TBKBP1: variants seen among roughly 807,000 people sequenced by gnomAD.
TBKBP1 encodes the protein TBK1 binding protein 1.
A neutral mutation model predicts 69.9 loss-of-function variants in TBKBP1; 47 were observed. The observed-to-expected ratio is 0.67, with a 90% confidence interval of 0.53 to 0.86. The LOEUF is 0.86. Ranked by LOEUF, TBKBP1 falls within the 40% of genes least tolerant of loss-of-function variation. The pLI is 0.00. For missense variants in TBKBP1, 831 were observed against 858.6 expected (o/e 0.97, Z 0.40); for synonymous variants, 418 against 390.3 (o/e 1.07, Z -0.84).
rs1277212652 is a variant in TBKBP1, at chr17:47,696,093, G to T, written c.-20G>T. The T allele has an allele frequency of 1.3e-6, 2 of 1,590,688 alleles. No individual in the cohort carries two copies. Among genetic ancestry groups the T allele is most frequent in the Admixed American group, 1.7e-5 (1 of 57,944 alleles). On this transcript the variant is annotated 5_prime_UTR_variant, in exon 2 of 10. Transcript: ENST00000578982. ...TGCTCTCCTAGGAGGCCCCGTGTGG[G>T]CCGCGGCCCGGCCCTCACCATGGAG... is the stretch of plus-strand genomic sequence containing the variant.
Position 47,708,813 on chromosome 17 carries a change from C to G in TBKBP1, c.1080C>G (p.Cys360Trp). The change falls in exon 9 of 10, where the codon TGC becomes TGG. Residue 360 changes from cysteine to tryptophan, a missense_variant. By Grantham distance (215) the Cys-to-Trp change is radical (BLOSUM62 -2). Transcript: ENST00000578982. The surrounding 1 kb of genome is among the most constrained non-coding windows in gnomAD (Gnocchi z 4.4). ...CGCCTGCCCGAGCGGCTCCCCCGTG[C>G]CCCCCGTGCCAGTCCCCCGTCCCCC... ...PSPPARAAPPCPPCQSPVPQR... is the reference protein window; with the variant it reads ...PSPPARAAPPWPPCQSPVPQR... 1 of 986,444 alleles carries G rather than the reference C, an allele frequency of 1.0e-6. No homozygotes were observed. Among genetic ancestry groups the G allele is most frequent in the Non-Finnish European group, 1.4e-6 (1 of 691,932 alleles). The allele number at this position is 986,444 out of a possible 1,614,324, so 61.1% of individuals were successfully genotyped here. A position where few individuals can be genotyped will look rare whatever the true frequency, so the allele number is the denominator to read the frequency against.
At chr17:47,702,167 A>G (rs914409781) in intron 7 of TBKBP1, among the ~76,000 whole-genome samples, 1 of 152,146 alleles carries the variant, frequency 6.6e-6, no homozygotes, top group Non-Finnish European at 1.5e-5. Context: ...CACCCAAGGA[A>G]GCCTCAGTCA....
chr17:47,708,460 C>G lies in TBKBP1; in HGVS notation c.939C>G (p.Ser313=). 1 of 1,613,914 alleles carries G rather than the reference C, an allele frequency of 6.2e-7. No individual in the cohort carries two copies. Among genetic ancestry groups the G allele is most frequent in the Non-Finnish European group, 8.5e-7 (1 of 1,179,838 alleles). Residue 313 remains serine, a synonymous_variant, in exon 8 of 10, where the codon TCC becomes TCG. Transcript: ENST00000578982. The surrounding 1 kb of genome is among the most constrained non-coding windows in gnomAD (Gnocchi z 4.4). ...TGGGCCGGCTTCGGGAGTTGAGTTC[C>G]CTACAGGGGAGAATCTTGAGGACTC... ...EELGRLRELS[S]LQGRILRTLL...
rs1396519729 is a variant in TBKBP1 at position 47,708,965 on chromosome 17, C to T, written c.1232C>T (p.Pro411Leu). The T allele has an allele frequency of 1.7e-6, 2 of 1,152,108 alleles. No homozygotes were observed. Among genetic ancestry groups the T allele is most frequent in the Admixed American group, 5.1e-5 (1 of 19,754 alleles). 71.4% of individuals were successfully genotyped at this position (1,152,108 alleles called of 1,614,324 possible). A position where few individuals can be genotyped will look rare whatever the true frequency, so the allele number is the denominator to read the frequency against. The change falls in exon 9 of 10, where the codon CCG (proline) becomes CTG (leucine). Residue 411 changes from proline (P) to leucine (L), a missense_variant. Coordinates refer to ENST00000578982, the MANE Select transcript of TBKBP1 (RefSeq NM_001394755.1). The surrounding 1 kb of genome is among the most constrained non-coding windows in gnomAD (Gnocchi z 4.4). The stretch of plus-strand genomic sequence containing the variant: ...CCGCCGTCGTGCCAGTCCCCCAGCC[C>T]GCAGCGCCGTTCCCCGGTGCCCCCC... The part of the protein sequence containing the change: ...PVPPSCQSPS[P>L]QRRSPVPPSC...
Position 47,708,306 on chromosome 17 carries a change from G to T in TBKBP1, c.873-88G>T. On this transcript the variant is annotated intron_variant, in intron 7 of 9. Coordinates refer to ENST00000578982, the MANE Select transcript of TBKBP1 (RefSeq NM_001394755.1). The surrounding 1 kb of genome is among the most constrained non-coding windows in gnomAD (Gnocchi z 4.4). ...GGTGGGAGGGAGCATGGTGGGGCCA[G>T]ATGCTGGGGTAGAGCCAGTTCTTCC... The T allele has an allele frequency of 1.4e-6, 2 of 1,400,702 alleles. No individual in the cohort carries two copies. Among genetic ancestry groups the T allele is most frequent in the Non-Finnish European group, 9.9e-7 (1 of 1,005,368 alleles). The allele number at this position is 1,400,702 out of a possible 1,614,324, so 86.8% of individuals were successfully genotyped here. A position where few individuals can be genotyped will look rare whatever the true frequency, so the allele number is the denominator to read the frequency against.
chr17:47,706,365 A>T (rs961345993), intron 7 of TBKBP1, among the ~76,000 whole-genome samples: 6 of 152,130 alleles, frequency 3.9e-5, no homozygotes, highest in Non-Finnish European at 8.8e-5. Flanking sequence ...GGGAGTCCCC[A>T]ATTTGACGTG....
At chr17:47,704,809 G>A (rs2031641069) in intron 7 of TBKBP1, among the ~76,000 whole-genome samples, 2 of 152,202 alleles carry the variant, frequency 1.3e-5, no homozygotes, top group South Asian at 4.1e-4. Flanking sequence ...TTCCAGAAGT[G>A]TGTGAGATCT....
intron 7 of TBKBP1, 52 bp downstream of exon 7, chr17:47,699,749 C>T: frequency 1.9e-6 from 3 of 1,606,896 alleles, no homozygotes; most frequent in Non-Finnish European, 1.7e-6. Context: ...GAGACCTCCC[C>T]TCCCAGCCCT....
Position 47,697,073 on chromosome 17 carries a change from T to A in TBKBP1, c.349-16T>A, listed in dbSNP as rs2031278247. Reference sequence around the variant, plus strand: ...TGGGACTGACCCTGTGGTGGGGCCCTCTGGGCCTCATCCAGTTACAGAAGA... The same window carrying A: ...TGGGACTGACCCTGTGGTGGGGCCCACTGGGCCTCATCCAGTTACAGAAGA... On this transcript the variant is annotated splice_polypyrimidine_tract_variant and intron_variant, in intron 3 of 9. Transcript: ENST00000578982. 1 of 1,601,780 alleles carries A rather than the reference T, an allele frequency of 6.2e-7. No homozygotes were observed.
At chr17:47,700,135 C>T (rs983833965) in intron 7 of TBKBP1, among the ~76,000 whole-genome samples, 4 of 151,406 alleles carry the variant, frequency 2.6e-5, no homozygotes, top group Non-Finnish European at 4.4e-5. Flanking sequence ...TACAGGCGCT[C>T]GCCACTACGC....
At chr17:47,694,896 G>A (rs1000015091) in intron 1 of TBKBP1, among the ~76,000 whole-genome samples, 1 of 150,938 alleles carries the variant, frequency 6.6e-6, no homozygotes, top group African/African-American at 2.4e-5. Context: ...GGAGGGGGGG[G>A]GGTGGATTGA....
chr17:47,710,679 ACACT>A lies in TBKBP1; in HGVS notation c.*58_*61del. ...CTCCGTCCTCTCCTATCACCCCCAA[ACACT>A]CACTTTGAATGCTGCATGAATCTCG... On this transcript the variant is annotated 3_prime_UTR_variant, in exon 10 of 10. Coordinates refer to ENST00000578982, the MANE Select transcript of TBKBP1 (RefSeq NM_001394755.1). 6.4e-7 allele frequency: 1 copy of A among 1,566,900 alleles called. No homozygotes were observed. Among genetic ancestry groups the A allele is most frequent in the South Asian group, 1.1e-5 (1 of 88,284 alleles).
chr17:47,699,418 C>A lies in TBKBP1; in HGVS notation c.733C>A (p.Leu245Ile). The A allele has an allele frequency of 6.4e-7, 1 of 1,568,716 alleles. No homozygotes were observed. Among genetic ancestry groups the A allele is most frequent in the Non-Finnish European group, 8.6e-7 (1 of 1,161,218 alleles). The change falls in exon 6 of 10, where the codon CTC becomes ATC. Residue 245 changes from leucine to isoleucine, a missense_variant. Leu to Ile is a conservative substitution (Grantham distance 5). Transcript: ENST00000578982. ...AAQGEARGAQLREEQLQAECE... is the reference protein window; with the variant it reads ...AAQGEARGAQIREEQLQAECE... ...GCAGGGAGAGGCCCGGGGGGCTCAG[C>A]TCCGGGAGGAGCAGCTCCAGGCCGA... is the stretch of plus-strand genomic sequence containing the variant.
chr17:47,703,386 C>T (rs993958728), intron 7 of TBKBP1, among the ~76,000 whole-genome samples: 2 of 152,234 alleles, frequency 1.3e-5, no homozygotes, highest in Admixed American at 6.5e-5. Flanking sequence ...GCCCCAGAAC[C>T]AGCAGGCCCA....
Position 47,708,768 on chromosome 17 carries a change from C to A in TBKBP1, c.1035C>A (p.Pro345=). 8.8e-7 allele frequency: 1 copy of A among 1,132,130 alleles called. No homozygotes were observed. Among genetic ancestry groups the A allele is most frequent in the Non-Finnish European group, 1.2e-6 (1 of 803,760 alleles). The allele number at this position is 1,132,130 out of a possible 1,614,324, so 70.1% of individuals were successfully genotyped here. ...TGTCACAACGCCACTCCCCGGCCCCCCAGTGCCCCTCCCCCTCCCCGCCTG... is the reference window on the plus strand; with the variant it reads ...TGTCACAACGCCACTCCCCGGCCCCACAGTGCCCCTCCCCCTCCCCGCCTG... ...SPLSQRHSPA[P]QCPSPSPPAR... Residue 345 remains proline (P), a synonymous_variant, in exon 9 of 10, where the codon CCC becomes CCA. Transcript: ENST00000578982. This position sits in a 1 kb window ranked among gnomAD's most constrained non-coding sequence, Gnocchi z 4.4.
chr17:47,709,280 T>C lies in TBKBP1; in HGVS notation c.1547T>C (p.Phe516Ser). Residue 516 changes from phenylalanine to serine, a missense_variant, in exon 9 of 10, where the codon TTC becomes TCC. Physicochemically the swap from Phe to Ser is radical, Grantham distance 155. Coordinates refer to ENST00000578982, the MANE Select transcript of TBKBP1 (RefSeq NM_001394755.1). ...RRAFEGIRLR[F>S]EKQPSEEDEW... The stretch of plus-strand genomic sequence containing the variant: ...GCCTTCGAGGGCATCCGGCTGCGCT[T>C]CGAGAAGCAGCCGTCGGAGGAGGAC... 6.6e-7 allele frequency: 1 copy of C among 1,525,070 alleles called. No homozygotes were observed. Among genetic ancestry groups the C allele is most frequent in the Non-Finnish European group, 8.7e-7 (1 of 1,144,556 alleles). The allele number at this position is 1,525,070 out of a possible 1,614,324, so 94.5% of individuals were successfully genotyped here.
At position 47,698,608 on chromosome 17, in the gene TBKBP1, A is replaced by G; in HGVS notation, c.467A>G (p.Glu156Gly). 1.3e-6 allele frequency: 2 copies of G among 1,593,112 alleles called. No individual in the cohort carries two copies. Among genetic ancestry groups the G allele is most frequent in the South Asian group, 1.1e-5 (1 of 87,690 alleles). ...CTCTCTCTCCAGAGGGCCCTGGTGG[A>G]GACGCACCTGCGTCAGATCTGTGGT... ...TELREMRALV[E>G]THLRQICGLE... Residue 156 changes from glutamate to glycine, a missense_variant, in exon 5 of 10, where the codon GAG (glutamate) becomes GGG (glycine). By Grantham distance (98) the Glu-to-Gly change is moderately conservative. Coordinates refer to ENST00000578982, the MANE Select transcript of TBKBP1 (RefSeq NM_001394755.1).
intron 7 of TBKBP1, among the ~76,000 whole-genome samples, chr17:47,701,306 G>A (rs1298906825): frequency 6.6e-6 from 1 of 151,894 alleles, no homozygotes; most frequent in Non-Finnish European, 1.5e-5. Flanking sequence ...GGAGCTTGGG[G>A]CCCATCATAG....
chr17:47,707,119 G>A (rs2143340980), intron 7 of TBKBP1, among the ~76,000 whole-genome samples: 1 of 152,352 alleles, frequency 6.6e-6, no homozygotes, highest in African/African-American at 2.4e-5. Flanking sequence ...GGAGCTGGAG[G>A]TGGGGAGAGC....
Sources: gnomAD v4.1 joint callset for allele counts (sites outside exome capture counted in the v4.1 genomes callset) on GRCh38, gnomAD v4.1.1 for gene constraint, Gnocchi (gnomAD v3.1) non-coding constraint, MANE v1.5 for transcripts, NCBI Gene and HGNC (gene_info 2026-07-23, HGNC 2026-07-21) for gene names.